Variants in ZFAND3 observed in about 807,000 individuals in gnomAD.
ZFAND3 encodes zinc finger AN1-type containing 3, also known as AN1-type zinc finger protein 3.
In ZFAND3, 10 loss-of-function variants were observed where a neutral mutation model predicts 29.6. That is an observed-to-expected ratio of 0.34 (90% confidence interval 0.21 to 0.57). ZFAND3 has a LOEUF of 0.57. Ranked by LOEUF, ZFAND3 falls within the 20% of genes least tolerant of loss-of-function variation. ZFAND3 has a pLI of 0.86. For synonymous variants in ZFAND3, 128 were observed against 112.6 expected (o/e 1.14, Z -0.87); for missense variants, 230 against 304.5 (o/e 0.76, Z 1.82).
At chr6:38,078,024 A>G (rs761706486) in intron 3 of ZFAND3, among the ~76,000 whole-genome samples, 2 of 152,140 alleles carry the variant, frequency 1.3e-5, no homozygotes, top group Non-Finnish European at 1.5e-5. Flanking sequence ...ATCTTTATTT[A>G]CTTCTGTTTT....
In ZFAND3 at chr6:38,119,811, A is replaced by G. The variant is rs78826648; in HGVS notation, c.529+3072A>G. Among the ~76,000 whole-genome samples, 606 of 152,320 alleles carry G rather than the reference A, an allele frequency of 4.0e-3. 3 individuals carry two copies. Among genetic ancestry groups the G allele is most frequent in the African/African-American group, 0.014 (582 of 41,556 alleles). ...ACATTCAGCTTCCCTTTGATCTTCAAAAGAGCAATTTGTAAGGCGAGTTCT... is the reference window on the plus strand; with the variant it reads ...ACATTCAGCTTCCCTTTGATCTTCAGAAGAGCAATTTGTAAGGCGAGTTCT... On this transcript the variant is annotated intron_variant, in intron 5 of 5. Transcript: ENST00000287218.
At chr6:37,904,430 T>C (rs1030141781) in intron 1 of ZFAND3, among the ~76,000 whole-genome samples, 12 of 152,174 alleles carry the variant, frequency 7.9e-5, no homozygotes, top group Admixed American at 7.2e-4. Context: ...AATCAATGTT[T>C]TCTTACTACC....
In ZFAND3 at chr6:37,920,052, CTT is replaced by C. The variant is rs11389241; in HGVS notation, c.72-9887_72-9886del. On this transcript the variant is annotated intron_variant, in intron 1 of 5. Transcript: ENST00000287218. ...TCTCACTTCCAGGTTTTTTTTGAAG[CTT>C]TTTTTTTTTTTTTTTTTTTGGCCCT... Among the ~76,000 whole-genome samples the C allele has an allele frequency of 4.2e-3, 390 of 93,392 alleles. 1 individual carries two copies. The highest frequency in any genetic ancestry group is 9.4e-3 in the African/African-American group (244 of 25,852). 61.3% of individuals were successfully genotyped at this position (93,392 alleles called of 152,430 possible).
chr6:37,998,031 C>T (rs564508124), intron 2 of ZFAND3, among the ~76,000 whole-genome samples: 5 of 152,258 alleles, frequency 3.3e-5, no homozygotes, highest in Non-Finnish European at 5.9e-5. Context: ...TTTATCATGG[C>T]AGCTATATTA....
chr6:38,152,997 T>G lies in ZFAND3; in HGVS notation c.*608T>G. Reference sequence around the variant, plus strand: ...TCTTACGGAAATTTTTTTACCTGACTTGCTATGAAAAAACTCATCACACAA... The same window carrying G: ...TCTTACGGAAATTTTTTTACCTGACGTGCTATGAAAAAACTCATCACACAA... On this transcript the variant is annotated 3_prime_UTR_variant, in exon 6 of 6. Coordinates refer to ENST00000287218, the MANE Select transcript of ZFAND3 (RefSeq NM_021943.3). The G allele has an allele frequency of 3.0e-6, 3 of 985,904 alleles. No homozygotes were observed. The highest frequency in any genetic ancestry group is 3.6e-6 in the Non-Finnish European group (3 of 829,972). The allele number at this position is 985,904 out of a possible 1,614,324, so 61.1% of individuals were successfully genotyped here.
intron 1 of ZFAND3, among the ~76,000 whole-genome samples, chr6:37,832,042 C>A (rs544935710): frequency 6.6e-6 from 1 of 152,260 alleles, no homozygotes; most frequent in South Asian, 2.1e-4. Flanking sequence ...GACCATGGAT[C>A]CCTTTGGCAA....
At chr6:38,060,263 T>C (rs1764208968) in intron 2 of ZFAND3, among the ~76,000 whole-genome samples, 1 of 152,184 alleles carries the variant, frequency 6.6e-6, no homozygotes, top group Non-Finnish European at 1.5e-5. Context: ...GAAGCCTCTT[T>C]TACTATTTTA....
intron 1 of ZFAND3, among the ~76,000 whole-genome samples, chr6:37,892,748 G>T (rs1336936857): frequency 5.9e-5 from 9 of 152,094 alleles, no homozygotes. Context: ...TCAATTAGCA[G>T]AATTAAAAAT....
chr6:38,007,096 T>A (rs931403740), intron 2 of ZFAND3, among the ~76,000 whole-genome samples: 1 of 152,218 alleles, frequency 6.6e-6, no homozygotes, highest in Admixed American at 6.5e-5. Context: ...TTGCCAACTT[T>A]TATTCATTTG....
intron 1 of ZFAND3, among the ~76,000 whole-genome samples, chr6:37,904,251 C>T (rs1342827119): frequency 6.6e-6 from 1 of 152,144 alleles, no homozygotes; most frequent in Non-Finnish European, 1.5e-5. Flanking sequence ...GGCGAAGTTC[C>T]ATCATATCAC....
intron 1 of ZFAND3, among the ~76,000 whole-genome samples, chr6:37,865,865 C>T (rs1764580027): frequency 6.6e-6 from 1 of 152,180 alleles, no homozygotes; most frequent in South Asian, 2.1e-4. Flanking sequence ...GCAAAAACTT[C>T]TCTTTTCCAA....
At chr6:37,937,698 TA>T (rs1761729344) in intron 2 of ZFAND3, among the ~76,000 whole-genome samples, 2 of 151,544 alleles carry the variant, frequency 1.3e-5, no homozygotes, top group Non-Finnish European at 2.9e-5. Context: ...CTGCTGCTCT[TA>T]AGACGAAGTG....
chr6:38,117,835 G>A (rs757229679), intron 5 of ZFAND3, among the ~76,000 whole-genome samples: 1 of 152,164 alleles, frequency 6.6e-6, no homozygotes, highest in African/African-American at 2.4e-5. Flanking sequence ...TTGCTGCTAC[G>A]GTTCCTCAAT....
chr6:37,848,515 G>A (rs1764222632), intron 1 of ZFAND3, among the ~76,000 whole-genome samples: 1 of 152,202 alleles, frequency 6.6e-6, no homozygotes, highest in Non-Finnish European at 1.5e-5. Flanking sequence ...CTGCCTATGT[G>A]CACTATTTCC....
At chr6:38,089,183 T>A (rs1764816703) in intron 4 of ZFAND3, among the ~76,000 whole-genome samples, 1 of 151,964 alleles carries the variant, frequency 6.6e-6, no homozygotes, top group Admixed American at 6.6e-5. Context: ...GGTACAGTGG[T>A]GCGATCTTGG....
At chr6:37,933,870 A>G (rs1046492300) in intron 2 of ZFAND3, among the ~76,000 whole-genome samples, 5 of 146,546 alleles carry the variant, frequency 3.4e-5, no homozygotes, top group African/African-American at 1.3e-4. Flanking sequence ...TGTTTAAAGG[A>G]TCTCTCTCTC....
At chr6:38,000,560 A>T (rs1343517946) in intron 2 of ZFAND3, among the ~76,000 whole-genome samples, 1 of 152,096 alleles carries the variant, frequency 6.6e-6, no homozygotes, top group Non-Finnish European at 1.5e-5. Flanking sequence ...CCTTTATGAA[A>T]CCATCAGATC....
intron 1 of ZFAND3, among the ~76,000 whole-genome samples, chr6:37,851,040 G>A (rs1314009746): frequency 1.4e-5 from 2 of 146,624 alleles, no homozygotes; most frequent in African/African-American, 5.0e-5. Context: ...TTGGCCTCTT[G>A]CCTCTTTTTT....
chr6:38,096,718 A>G (rs1451177125), intron 4 of ZFAND3, among the ~76,000 whole-genome samples: 2 of 151,836 alleles, frequency 1.3e-5, no homozygotes, highest in South Asian at 2.1e-4. Flanking sequence ...ATCTTTCTCT[A>G]ATTCTTTTCT....
Sources: allele counts gnomAD v4.1 joint callset (sites outside exome capture counted in the v4.1 genomes callset), GRCh38; gene constraint gnomAD v4.1.1; transcripts MANE v1.5; gene names NCBI Gene and HGNC (gene_info 2026-07-23, HGNC 2026-07-21).